Variants in ANKFY1 observed in about 807,000 individuals in gnomAD.
The protein encoded by ANKFY1 is ankyrin repeat and FYVE domain-containing protein 1.
In ANKFY1, 47 loss-of-function variants were observed where a neutral mutation model predicts 128.3. The observed-to-expected ratio is 0.37, with a 90% confidence interval of 0.29 to 0.47. The LOEUF is 0.47. Among genes scored for constraint, ANKFY1 ranks in the 20% least tolerant of loss-of-function variants. The pLI is 1.00. For missense variants in ANKFY1, 1,222 were observed against 1,510.6 expected (o/e 0.81, Z 3.17); for synonymous variants, 553 against 601.6 (o/e 0.92, Z 1.18).
At chr17:4,215,438 C>G (rs1330369418) in intron 4 of ANKFY1, among the ~76,000 whole-genome samples, 1 of 152,126 alleles carries the variant, frequency 6.6e-6, no homozygotes, top group Non-Finnish European at 1.5e-5. Context: ...CCCCACATTA[C>G]AAAAAGAGCA....
intron 10 of ANKFY1, among the ~76,000 whole-genome samples, chr17:4,194,103 A>ATATATATATATAT (rs1555627694): frequency 1.8e-5 from 2 of 108,164 alleles, no homozygotes; most frequent in African/African-American, 9.7e-5. Context: ...ATATATATAT[A>ATATATATATATAT]TTTTTTTTTT....
At chr17:4,192,621 T>C (rs1215441518) in intron 10 of ANKFY1, among the ~76,000 whole-genome samples, 1 of 152,132 alleles carries the variant, frequency 6.6e-6, no homozygotes, top group African/African-American at 2.4e-5. Context: ...TCCTAGTTGA[T>C]GGTTAATCTG....
At chr17:4,255,881 G>A (rs1199496710) in intron 1 of ANKFY1, among the ~76,000 whole-genome samples, 6 of 151,352 alleles carry the variant, frequency 4.0e-5, no homozygotes, top group Admixed American at 2.6e-4. Context: ...GCAATGGCGC[G>A]ATCTCAGCTC....
chr17:4,167,682 A>C lies in ANKFY1; in HGVS notation c.*97T>G, dbSNP rs1009785417. The C allele has an allele frequency of 7.8e-7, 1 of 1,280,562 alleles. No individual in the cohort carries two copies. The highest frequency in any genetic ancestry group is 1.0e-6 in the Non-Finnish European group (1 of 952,804). 79.3% of individuals were successfully genotyped at this position (1,280,562 alleles called of 1,614,324 possible). A position where few individuals can be genotyped will look rare whatever the true frequency, so the allele number is the denominator to read the frequency against. ...TTCCAGTCTATTGCCGCAGGAAGAC[A>C]CCCGCCAGCTCCTGCTCTGGGTGGG... is the stretch of plus-strand genomic sequence containing the variant. On this transcript the variant is annotated 3_prime_UTR_variant, in exon 25 of 25. Coordinates refer to ENST00000341657, the MANE Select transcript of ANKFY1 (RefSeq NM_001330063.2). This position sits in a 1 kb window ranked among gnomAD's most constrained non-coding sequence, Gnocchi z 4.1.
rs779650795 is a variant in ANKFY1, at chr17:4,184,924, G to A, written c.1593C>T (p.Ala531=). The change falls in exon 12 of 25, where the codon GCC becomes GCT. Residue 531 remains alanine (A), a synonymous_variant. Coordinates refer to ENST00000341657, the MANE Select transcript of ANKFY1 (RefSeq NM_001330063.2). ...TEEALPLPKE[A]ASLTSLADSV... Reference sequence around the variant, plus strand: ...TGTCCGCCAAGCTGGTCAGGGATGCGGCCTCCTTTGGCAGAGGCAGAGCTT... The same window carrying A: ...TGTCCGCCAAGCTGGTCAGGGATGCAGCCTCCTTTGGCAGAGGCAGAGCTT... 12 of 1,614,070 alleles carry A rather than the reference G, an allele frequency of 7.4e-6. No individual in the cohort carries two copies. The highest frequency in any genetic ancestry group is 1.3e-5 in the African/African-American group (1 of 75,056).
intron 8 of ANKFY1, 72 bp downstream of exon 8, chr17:4,197,301 G>C: frequency 6.6e-7 from 1 of 1,504,114 alleles, no homozygotes; most frequent in Non-Finnish European, 9.2e-7. Context: ...CTCCCCGTAT[G>C]CCAATTACAT....
chr17:4,191,104 C>T (rs2143008176), intron 10 of ANKFY1: 1 of 152,462 alleles, frequency 6.6e-6, no homozygotes, highest in African/African-American at 2.4e-5. Context: ...TCCCACCGCA[C>T]TCCAGCCTGG....
chr17:4,197,855 C>T (rs969349402), intron 7 of ANKFY1, among the ~76,000 whole-genome samples: 4 of 152,174 alleles, frequency 2.6e-5, no homozygotes, highest in Non-Finnish European at 4.4e-5. Flanking sequence ...CTGGGCCAGG[C>T]GCAGTGGCTC....
At chr17:4,238,707 G>A (rs936652707) in intron 2 of ANKFY1, among the ~76,000 whole-genome samples, 4 of 151,266 alleles carry the variant, frequency 2.6e-5, no homozygotes, top group Admixed American at 6.6e-5. Context: ...CTCCTGATCC[G>A]CCCAACTCAA....
intron 10 of ANKFY1, among the ~76,000 whole-genome samples, chr17:4,190,446 A>G (rs1263079196): frequency 6.7e-6 from 1 of 149,818 alleles, no homozygotes; most frequent in Admixed American, 6.6e-5. Context: ...GTCTCAAAGA[A>G]AAAAAAAAAA....
intron 19 of ANKFY1, among the ~76,000 whole-genome samples, chr17:4,176,509 G>A (rs567916334): frequency 3.3e-5 from 5 of 152,306 alleles, no homozygotes; most frequent in East Asian, 3.9e-4. Flanking sequence ...GACACCCCAC[G>A]ATCTGCTTTC....
At position 4,263,920 on chromosome 17, in the gene ANKFY1, A is replaced by T. The variant is rs557709538; in HGVS notation, c.10+12T>A. The stretch of plus-strand genomic sequence containing the variant: ...CCGTGTCTTCCCGCGCGGCTCCACA[A>T]AAAAACCCTACCTTCCGCCATGTCT... On this transcript the variant is annotated intron_variant, in intron 1 of 24. Coordinates refer to ENST00000341657, the MANE Select transcript of ANKFY1 (RefSeq NM_001330063.2). 4 of 1,613,900 alleles carry T rather than the reference A, an allele frequency of 2.5e-6. No individual in the cohort carries two copies. The highest frequency in any genetic ancestry group is 1.3e-5 in the African/African-American group (1 of 75,050).
intron 22 of ANKFY1, 48 bp from the exon 23 acceptor site, chr17:4,170,909 C>G: frequency 6.2e-7 from 1 of 1,611,832 alleles, no homozygotes; most frequent in Non-Finnish European, 8.5e-7. Context: ...CGGCCCAGCC[C>G]GGCAGCCACA....
chr17:4,263,423 T>G (rs4359483), intron 1 of ANKFY1, among the ~76,000 whole-genome samples: 2 of 152,160 alleles, frequency 1.3e-5, no homozygotes, highest in East Asian at 3.9e-4. Flanking sequence ...GAGCCGCCAG[T>G]GCGCCCGCCT....
At chr17:4,254,768 C>T (rs913673715) in intron 1 of ANKFY1, among the ~76,000 whole-genome samples, 10 of 152,182 alleles carry the variant, frequency 6.6e-5, no homozygotes, top group Admixed American at 5.2e-4. Flanking sequence ...AGGAAATGTA[C>T]ACTTTCCTGT....
At chr17:4,256,146 T>A (rs1431639583) in intron 1 of ANKFY1, among the ~76,000 whole-genome samples, 1 of 147,204 alleles carries the variant, frequency 6.8e-6, no homozygotes, top group Non-Finnish European at 1.5e-5. Flanking sequence ...AGCTCCCAGG[T>A]GGCCAGGCGC....
intron 1 of ANKFY1, among the ~76,000 whole-genome samples, chr17:4,256,506 G>C (rs1476446801): frequency 1.1e-4 from 17 of 152,138 alleles, no homozygotes; most frequent in Admixed American, 1.1e-3. Context: ...TGGAACGAGG[G>C]AGAGAGGAAA....
chr17:4,183,236 T>G (rs1444391894), intron 14 of ANKFY1, among the ~76,000 whole-genome samples, 162 bp downstream of exon 14: 3 of 152,262 alleles, frequency 2.0e-5, no homozygotes, highest in Non-Finnish European at 4.4e-5. Context: ...AGTCTTTTGA[T>G]GATATTCAGT....
chr17:4,195,851 T>C (rs1380592791), intron 8 of ANKFY1, among the ~76,000 whole-genome samples: 1 of 151,972 alleles, frequency 6.6e-6, no homozygotes, highest in Non-Finnish European at 1.5e-5. Flanking sequence ...CTTCTATTCT[T>C]CTCAAACACA....
Sources: gnomAD v4.1 joint callset for allele counts (sites outside exome capture counted in the v4.1 genomes callset) on GRCh38, gnomAD v4.1.1 for gene constraint, Gnocchi (gnomAD v3.1) non-coding constraint, MANE v1.5 for transcripts, NCBI Gene and HGNC (gene_info 2026-07-23, HGNC 2026-07-21) for gene names.